Variants in CNIH3 observed in about 807,000 individuals in gnomAD.
The protein encoded by CNIH3 is cornichon family AMPA receptor auxiliary protein 3, also known as protein cornichon homolog 3.
CNIH3 carries 14 observed loss-of-function variants against 24.1 expected under a neutral mutation model. That is an observed-to-expected ratio of 0.58 (90% confidence interval 0.38 to 0.91). CNIH3 has a LOEUF of 0.91. Ranked by LOEUF, CNIH3 falls within the 40% of genes least tolerant of loss-of-function variation. The probability of loss-of-function intolerance (pLI) is 0.00; values close to 1 mark genes in which losing one functional copy is unlikely to be tolerated. For missense variants in CNIH3, 178 were observed against 196.8 expected (o/e 0.90, Z 0.57); for synonymous variants, 68 against 73.8 (o/e 0.92, Z 0.40).
At chr1:224,660,262 A>C (rs1685285359) in intron 1 of CNIH3, among the ~76,000 whole-genome samples, 1 of 152,198 alleles carries the variant, frequency 6.6e-6, no homozygotes, top group South Asian at 2.1e-4. Context: ...CATAGATGAC[A>C]GCAGGCAAAG....
intron 1 of CNIH3, among the ~76,000 whole-genome samples, chr1:224,623,214 G>A (rs1683366105): frequency 1.3e-5 from 2 of 152,102 alleles, no homozygotes; most frequent in African/African-American, 4.8e-5. Context: ...GCCCTCCTTT[G>A]ACTGTGGCTT....
At chr1:224,679,232 C>T (rs1438389526) in intron 1 of CNIH3, among the ~76,000 whole-genome samples, 3 of 151,620 alleles carry the variant, frequency 2.0e-5, no homozygotes, top group South Asian at 2.1e-4. Flanking sequence ...CCTAGCTACT[C>T]GAGAAGCTGA....
At chr1:224,439,542 T>TA (rs35161497) in intron 1 of CNIH3, among the ~76,000 whole-genome samples, 7,878 of 144,286 alleles carry the variant, frequency 0.055, 596 homozygotes, top group African/African-American at 0.17. Flanking sequence ...TGGGCCGTAT[T>TA]AAAAAAAAAA....
At chr1:224,538,887 C>T (rs1220290006), downstream of CNIH3, among the ~76,000 whole-genome samples, 6 of 142,492 alleles carry the variant, frequency 4.2e-5, no homozygotes, top group East Asian at 4.0e-4. Context: ...AGGCTGGTCT[C>T]GAACTCCTGG....
intron 5 of CNIH3, among the ~76,000 whole-genome samples, chr1:224,737,275 G>A (rs899342861): frequency 6.6e-6 from 1 of 152,142 alleles, no homozygotes; most frequent in Non-Finnish European, 1.5e-5. Context: ...AGATGGGTGT[G>A]ATTGTTCTGT....
chr1:224,623,590 T>G (rs1051687928), intron 1 of CNIH3, among the ~76,000 whole-genome samples: 1 of 152,068 alleles, frequency 6.6e-6, no homozygotes, highest in African/African-American at 2.4e-5. Context: ...CCCCCACCCC[T>G]GACTGCCTCT....
intron 5 of CNIH3, among the ~76,000 whole-genome samples, chr1:224,735,988 T>C (rs747443329): frequency 1.2e-4 from 18 of 152,116 alleles, no homozygotes; most frequent in Non-Finnish European, 2.5e-4. Flanking sequence ...TATCGCTCAA[T>C]TTATAAGATA....
chr1:224,650,360 A>G (rs905481802), intron 1 of CNIH3, among the ~76,000 whole-genome samples: 1 of 152,192 alleles, frequency 6.6e-6, no homozygotes, highest in African/African-American at 2.4e-5. Context: ...GAGGCTGAGT[A>G]CATACTTCCT....
At chr1:224,654,274 T>C (rs575641518) in intron 1 of CNIH3, among the ~76,000 whole-genome samples, 1 of 152,122 alleles carries the variant, frequency 6.6e-6, no homozygotes, top group Non-Finnish European at 1.5e-5. Context: ...TCCCAGCTAC[T>C]TGGGAGGCTG....
chr1:224,626,999 A>G (rs1439176457), intron 1 of CNIH3, among the ~76,000 whole-genome samples: 4 of 152,022 alleles, frequency 2.6e-5, no homozygotes, highest in African/African-American at 9.7e-5. Flanking sequence ...CTGTGTTCTT[A>G]CACACTTCTG....
chr1:224,452,375 C>T (rs964612356), intron 1 of CNIH3, among the ~76,000 whole-genome samples: 1 of 151,936 alleles, frequency 6.6e-6, no homozygotes, highest in Admixed American at 6.6e-5. Flanking sequence ...GTCTCAAACT[C>T]CTGACCTCAA....
At chr1:224,694,854 A>G (rs1249987199) in intron 3 of CNIH3, among the ~76,000 whole-genome samples, 1 of 152,174 alleles carries the variant, frequency 6.6e-6, no homozygotes, top group East Asian at 1.9e-4. Context: ...TCCAAATATC[A>G]TATATTCTCA....
intron 1 of CNIH3, among the ~76,000 whole-genome samples, chr1:224,675,222 C>T (rs763085393): frequency 6.6e-6 from 1 of 152,170 alleles, no homozygotes; most frequent in Non-Finnish European, 1.5e-5. Flanking sequence ...TTGACAACTT[C>T]GATGAAATGG....
At chr1:224,644,377 A>C (rs1212189436) in intron 1 of CNIH3, among the ~76,000 whole-genome samples, 1 of 151,204 alleles carries the variant, frequency 6.6e-6, no homozygotes, top group Non-Finnish European at 1.5e-5. Context: ...CGCCCAGCTA[A>C]TTTTTGTATT....
chr1:224,544,195 A>G (rs1259567337), intron 2 of CNIH3, among the ~76,000 whole-genome samples: 1 of 152,214 alleles, frequency 6.6e-6, no homozygotes. Flanking sequence ...AGAAATAGTC[A>G]GTTCATTCAG....
At chr1:224,672,845 G>A (rs1685936379) in intron 1 of CNIH3, among the ~76,000 whole-genome samples, 1 of 152,160 alleles carries the variant, frequency 6.6e-6, no homozygotes, top group African/African-American at 2.4e-5. Context: ...CACAGAACTG[G>A]GTGAGGGAGC....
chr1:224,570,096 A>G (rs1558169798), intron 4 of CNIH3, among the ~76,000 whole-genome samples: 1 of 152,168 alleles, frequency 6.6e-6, no homozygotes, highest in South Asian at 2.1e-4. Context: ...GCATATTTTC[A>G]TATGGATATG....
intron 3 of CNIH3, among the ~76,000 whole-genome samples, chr1:224,693,555 CCT>C (rs1164209583): frequency 6.6e-6 from 1 of 151,868 alleles, no homozygotes; most frequent in African/African-American, 2.4e-5. Context: ...TCTCAGTCAG[CCT>C]CAGACACATC....
chr1:224,479,084 C>T (rs992207298), intron 1 of CNIH3, among the ~76,000 whole-genome samples: 1 of 151,878 alleles, frequency 6.6e-6, no homozygotes, highest in Admixed American at 6.6e-5. Flanking sequence ...CTGGCCCCTC[C>T]CAAATCTGAT....
Sources: gnomAD v4.1 joint callset for allele counts (sites outside exome capture counted in the v4.1 genomes callset) on GRCh38, gnomAD v4.1.1 for gene constraint, MANE v1.5 for transcripts, NCBI Gene and HGNC (gene_info 2026-07-23, HGNC 2026-07-21) for gene names.